The following SHISA9 variants were observed in gnomAD, a reference collection of about 807,000 sequenced individuals.
SHISA9 encodes protein shisa-9.
SHISA9 carries 13 observed loss-of-function variants against 38.0 expected under a neutral mutation model. That is an observed-to-expected ratio of 0.34 (90% CI 0.22 to 0.54). The LOEUF is 0.54. Among genes scored for constraint, SHISA9 ranks in the 20% least tolerant of loss-of-function variants. The pLI is 0.91. For missense variants in SHISA9, 538 were observed against 575.8 expected (o/e 0.93, Z 0.67); for synonymous variants, 275 against 242.0 (o/e 1.14, Z -1.27).
the SHISA9 span, among the ~76,000 whole-genome samples, chr16:13,395,319 G>C: frequency 6.6e-6 from 1 of 152,186 alleles, no homozygotes; most frequent in South Asian, 2.1e-4. Context: ...AGAAACTGGG[G>C]TAGACCAAAG....
At chr16:13,462,919 A>C in the SHISA9 span, among the ~76,000 whole-genome samples, 3 of 152,088 alleles carry the variant, frequency 2.0e-5, no homozygotes, top group African/African-American at 7.2e-5. Flanking sequence ...CCGAGATCGC[A>C]CCATTGCACT....
the SHISA9 span, among the ~76,000 whole-genome samples, chr16:13,287,453 A>C: frequency 1.3e-5 from 2 of 152,222 alleles, no homozygotes; most frequent in African/African-American, 4.8e-5. Context: ...AAGGACTAGA[A>C]GGAGTTAATC....
intron 2 of SHISA9, among the ~76,000 whole-genome samples, chr16:13,189,474 C>T (rs1190544857): frequency 2.0e-5 from 3 of 152,228 alleles, no homozygotes; most frequent in East Asian, 1.9e-4. Context: ...CACTCAACTT[C>T]TCTGAGCTTT....
At chr16:13,480,697 G>A in the SHISA9 span, among the ~76,000 whole-genome samples, 1 of 152,158 alleles carries the variant, frequency 6.6e-6, no homozygotes, top group African/African-American at 2.4e-5. Context: ...AGCTGCTTTG[G>A]AAGCTTTCTT....
intron 4 of SHISA9, among the ~76,000 whole-genome samples, chr16:13,228,517 C>G (rs151336349): frequency 1.4e-4 from 21 of 152,220 alleles, no homozygotes; most frequent in African/African-American, 4.6e-4. Context: ...CAGAGCAGAC[C>G]TCAGACTGGT....
At position 13,134,189 on chromosome 16, in the gene SHISA9, G is replaced by A. The variant is rs117284931; in HGVS notation, c.692-69205G>A. ...TCTATTACTGCCAAGTGTAAACTAA[G>A]CTACTTAACCTGTCTGGGTCTCAGT... On this transcript the variant is annotated intron_variant, in intron 2 of 4. Transcript: ENST00000558583. 5.9e-3 allele frequency among the ~76,000 whole-genome samples: 898 copies of A among 152,282 alleles called. 6 individuals carry two copies. Among genetic ancestry groups the A allele is most frequent in the Admixed American group, 0.011 (161 of 15,292 alleles).
At chr16:13,013,421 C>T (rs536436650) in intron 2 of SHISA9, among the ~76,000 whole-genome samples, 1 of 152,250 alleles carries the variant, frequency 6.6e-6, no homozygotes, top group South Asian at 2.1e-4. Context: ...TTTCATCTGC[C>T]TGGAACATGT....
chr16:13,208,807 A>G (rs1206885043), intron 3 of SHISA9, among the ~76,000 whole-genome samples: 1 of 152,244 alleles, frequency 6.6e-6, no homozygotes, highest in Non-Finnish European at 1.5e-5. Context: ...GGCATGAACC[A>G]AATCTGTCCC....
chr16:13,061,602 G>C (rs1460314486), intron 2 of SHISA9, among the ~76,000 whole-genome samples: 1 of 152,188 alleles, frequency 6.6e-6, no homozygotes, highest in East Asian at 1.9e-4. Context: ...TGAGGACCTA[G>C]TATATGCAGG....
chr16:13,519,927 G>T, the SHISA9 span, among the ~76,000 whole-genome samples: 1 of 152,068 alleles, frequency 6.6e-6, no homozygotes, highest in Non-Finnish European at 1.5e-5. Context: ...ATGAGATTTG[G>T]GTGGGGACAC....
the SHISA9 span, among the ~76,000 whole-genome samples, chr16:13,300,199 C>A: frequency 8.9e-4 from 136 of 152,252 alleles, 1 homozygote; most frequent in African/African-American, 3.1e-3. Flanking sequence ...TTCTTCCCTC[C>A]CCAGTACGCC....
At chr16:13,560,366 G>C in the SHISA9 span, among the ~76,000 whole-genome samples, 1 of 152,152 alleles carries the variant, frequency 6.6e-6, no homozygotes. Flanking sequence ...GCTGCTGATT[G>C]GCTGAGCAGG....
the SHISA9 span, among the ~76,000 whole-genome samples, chr16:13,406,346 T>G: frequency 6.6e-6 from 1 of 152,244 alleles, no homozygotes. Flanking sequence ...TTAACTTTCC[T>G]GTCTTCTCAA....
chr16:13,533,684 T>C, the SHISA9 span, among the ~76,000 whole-genome samples: 1 of 151,986 alleles, frequency 6.6e-6, no homozygotes, highest in Non-Finnish European at 1.5e-5. Context: ...TCTTCAAGGA[T>C]ATCACTGCTT....
At chr16:13,256,178 G>C in the SHISA9 span, among the ~76,000 whole-genome samples, 1 of 152,090 alleles carries the variant, frequency 6.6e-6, no homozygotes, top group African/African-American at 2.4e-5. Context: ...CCTTTAAGAC[G>C]CAGATCAGAT....
chr16:13,507,460 A>T, the SHISA9 span, among the ~76,000 whole-genome samples: 1 of 152,144 alleles, frequency 6.6e-6, no homozygotes, highest in African/African-American at 2.4e-5. Context: ...GTCTAACATT[A>T]GCGTAGACAA....
the SHISA9 span, among the ~76,000 whole-genome samples, chr16:13,353,463 G>C: frequency 1.3e-5 from 2 of 152,108 alleles, no homozygotes; most frequent in Non-Finnish European, 2.9e-5. Context: ...GGAGATATCA[G>C]CTGTGATGGC....
the SHISA9 span, among the ~76,000 whole-genome samples, chr16:13,480,396 C>T: frequency 7.9e-5 from 12 of 152,104 alleles, no homozygotes; most frequent in Admixed American, 7.9e-4. Flanking sequence ...CTCTTGGCCT[C>T]TCTTGAATAC....
chr16:12,924,446 C>T (rs773818855), intron 2 of SHISA9, among the ~76,000 whole-genome samples: 3 of 152,174 alleles, frequency 2.0e-5, no homozygotes, highest in Non-Finnish European at 4.4e-5. Context: ...TGACTAATTT[C>T]AACTCATGTG....
Sources: allele counts gnomAD v4.1 joint callset (sites outside exome capture counted in the v4.1 genomes callset), GRCh38; gene constraint gnomAD v4.1.1; transcripts MANE v1.5; gene names NCBI Gene and HGNC (gene_info 2026-07-23, HGNC 2026-07-21).